CD38: variants seen among roughly 807,000 people sequenced by gnomAD.
CD38 encodes the protein ADP-ribosyl cyclase/cyclic ADP-ribose hydrolase 1.
A neutral mutation model predicts 36.3 loss-of-function variants in CD38; 31 were observed. That is an observed-to-expected ratio of 0.85 (90% CI 0.64 to 1.15). CD38 has a LOEUF of 1.15. CD38 is among the 50% of genes most tolerant of loss of function. The pLI is 0.00. For missense variants in CD38, 380 were observed against 371.9 expected, an observed-to-expected ratio of 1.02 and a Z score of -0.18; for synonymous variants, 131 against 135.2, an observed-to-expected ratio of 0.97 and a Z score of 0.22.
intron 3 of CD38, among the ~76,000 whole-genome samples, chr4:15,833,887 A>G (rs1004759522): frequency 6.6e-6 from 1 of 152,188 alleles, no homozygotes; most frequent in Non-Finnish European, 1.5e-5. Context: ...CAACCACTGA[A>G]GGACTGGTTT....
Position 15,848,609 on chromosome 4 carries a change from C to T in CD38, c.*7C>T, listed in dbSNP as rs758158054. ...TTGCACATCTGAGATCTGAGCCAGT[C>T]GCTGTGGTTGTTTTAGCTCCTTGAC... is the stretch of plus-strand genomic sequence containing the variant. On this transcript the variant is annotated 3_prime_UTR_variant, in exon 8 of 8. Transcript: ENST00000226279. 41 of 1,612,060 alleles carry T rather than the reference C, an allele frequency of 2.5e-5. No individual in the cohort carries two copies. Among genetic ancestry groups the T allele is most frequent in the East Asian group, 1.3e-4 (6 of 44,880 alleles).
intron 1 of CD38, among the ~76,000 whole-genome samples, chr4:15,795,218 CGTGTGT>C (rs143299140): frequency 2.0e-5 from 3 of 149,550 alleles, no homozygotes; most frequent in East Asian, 1.9e-4. Flanking sequence ...GAATTAGTTT[CGTGTGT>C]GTGTGTGTGT....
chr4:15,781,828 C>A (rs923498397), intron 1 of CD38, among the ~76,000 whole-genome samples: 1 of 152,228 alleles, frequency 6.6e-6, no homozygotes, highest in Admixed American at 6.5e-5. Flanking sequence ...CCAAGTATCA[C>A]TTTCTGTTTT....
At chr4:15,840,255 CTTAACT>C in intron 6 of CD38, 137 bp downstream of exon 6, 4 of 743,950 alleles carry the variant, frequency 5.4e-6, no homozygotes, top group South Asian at 3.3e-5. Context: ...CCAACAGCCT[CTTAACT>C]TTATCTCCAC....
chr4:15,835,587 A>G (rs1312058296), intron 4 of CD38, among the ~76,000 whole-genome samples: 1 of 151,948 alleles, frequency 6.6e-6, no homozygotes. Context: ...CATGTTGGCC[A>G]GGCTGGTCTC....
At chr4:15,790,471 C>G (rs1394741791) in intron 1 of CD38, among the ~76,000 whole-genome samples, 3 of 152,072 alleles carry the variant, frequency 2.0e-5, no homozygotes, top group Non-Finnish European at 4.4e-5. Context: ...GTCTCGTTCA[C>G]TCGGTGCTCG....
chr4:15,815,098 C>T (rs999582240), intron 1 of CD38, among the ~76,000 whole-genome samples: 5 of 152,064 alleles, frequency 3.3e-5, no homozygotes, highest in Non-Finnish European at 7.4e-5. Context: ...AGCCACCGTG[C>T]CCGGCCAAGG....
intron 2 of CD38, 50 bp from the exon 3 acceptor site, chr4:15,824,831 T>C (rs764797371): frequency 3.4e-6 from 5 of 1,469,896 alleles, no homozygotes; most frequent in Non-Finnish European, 4.7e-6. Flanking sequence ...TTAATTTTTT[T>C]TGACATGCTA....
At chr4:15,821,570 A>T (rs1391983155) in intron 2 of CD38, among the ~76,000 whole-genome samples, 1 of 152,056 alleles carries the variant, frequency 6.6e-6, no homozygotes, top group Non-Finnish European at 1.5e-5. Flanking sequence ...ATAAACTAGA[A>T]CATCTAGAAG....
At chr4:15,831,552 T>C (rs1171283221) in intron 3 of CD38, among the ~76,000 whole-genome samples, 1 of 151,842 alleles carries the variant, frequency 6.6e-6, no homozygotes. Flanking sequence ...CCAGATATAC[T>C]ATTCTAGAGT....
intron 3 of CD38, among the ~76,000 whole-genome samples, chr4:15,832,430 G>A (rs955898082): frequency 5.9e-5 from 9 of 152,128 alleles, no homozygotes; most frequent in African/African-American, 1.2e-4. Flanking sequence ...TGAAGGACTC[G>A]GATGTTGTGA....
intron 1 of CD38, among the ~76,000 whole-genome samples, chr4:15,790,493 G>A (rs527628713): frequency 8.3e-4 from 126 of 152,150 alleles, no homozygotes; most frequent in African/African-American, 3.0e-3. Flanking sequence ...TGGTGCCCAG[G>A]CTGGAGTGCA....
Position 15,848,589 on chromosome 4 carries a change from C to A in CD38, c.890C>A (p.Thr297Lys), listed in dbSNP as rs754955843. 1.9e-6 allele frequency: 3 copies of A among 1,613,476 alleles called. No homozygotes were observed. The African/African-American group carries it at 4.0e-5, about 22-fold the overall frequency. ...CVKNPEDSSC[T>K]SEI ...AAAAATCCTGAGGATTCATCTTGCA[C>A]ATCTGAGATCTGAGCCAGTCGCTGT... The change falls in exon 8 of 8, where the codon ACA (threonine) becomes AAA (lysine). Residue 297 changes from threonine (T) to lysine (K), a missense_variant. By Grantham distance (78) the Thr-to-Lys change is moderately conservative. Coordinates refer to ENST00000226279, the MANE Select transcript of CD38 (RefSeq NM_001775.4).
At chr4:15,787,709 C>T (rs1460189835) in intron 1 of CD38, among the ~76,000 whole-genome samples, 3 of 152,208 alleles carry the variant, frequency 2.0e-5, no homozygotes, top group Non-Finnish European at 4.4e-5. Context: ...CAGACCCTGG[C>T]TGAGCGACAG....
intron 1 of CD38, among the ~76,000 whole-genome samples, chr4:15,802,476 C>G (rs1723247793): frequency 6.9e-6 from 1 of 144,696 alleles, no homozygotes; most frequent in South Asian, 2.2e-4. Context: ...CCCCAAATAG[C>G]CAAAGCAATT....
chr4:15,847,850 C>T (rs1458764716), intron 7 of CD38, among the ~76,000 whole-genome samples: 1 of 152,110 alleles, frequency 6.6e-6, no homozygotes, highest in Non-Finnish European at 1.5e-5. Context: ...CTTTAGGCTC[C>T]AAGTGAGCTC....
At chr4:15,785,132 G>A (rs1417048361) in intron 1 of CD38, among the ~76,000 whole-genome samples, 3 of 152,008 alleles carry the variant, frequency 2.0e-5, no homozygotes, top group African/African-American at 7.2e-5. Context: ...CCAGGTGTGG[G>A]GCCTGGGTGC....
intron 1 of CD38, among the ~76,000 whole-genome samples, chr4:15,780,509 T>TTC (rs1303989680): frequency 2.0e-4 from 24 of 122,764 alleles, no homozygotes; most frequent in East Asian, 1.8e-3. Context: ...TTAGATAATA[T>TTC]TCTCTCTCTC....
intron 1 of CD38, among the ~76,000 whole-genome samples, chr4:15,815,644 C>T (rs576028451): frequency 1.3e-5 from 2 of 152,090 alleles, no homozygotes; most frequent in Non-Finnish European, 2.9e-5. Context: ...AGTTGCTTAT[C>T]AGCTTAAGGA....
Sources: gnomAD v4.1 joint callset for allele counts (sites outside exome capture counted in the v4.1 genomes callset) on GRCh38, gnomAD v4.1.1 for gene constraint, MANE v1.5 for transcripts, NCBI Gene and HGNC (gene_info 2026-07-23, HGNC 2026-07-21) for gene names.